Variants in MYCL observed in about 807,000 individuals in gnomAD.
MYCL encodes the protein protein L-Myc.
Under a neutral mutation model 31.0 loss-of-function variants are expected in MYCL, and 11 were observed. The observed-to-expected ratio is 0.35, with a 90% confidence interval of 0.22 to 0.59. The LOEUF is 0.59. Among genes scored for constraint, MYCL ranks in the 20% least tolerant of loss-of-function variants. The probability of loss-of-function intolerance (pLI) is 0.79; values close to 1 mark genes in which losing one functional copy is unlikely to be tolerated. For synonymous variants in MYCL, 208 were observed against 202.4 expected (o/e 1.03, Z -0.23); for missense variants, 427 against 486.1 (o/e 0.88, Z 1.14).
rs1288998347 is a variant in MYCL at position 39,901,627 on chromosome 1, A to G, written c.-193T>C. The G allele has an allele frequency of 3.6e-6, 5 of 1,388,330 alleles. No homozygotes were observed. Among genetic ancestry groups the G allele is most frequent in the Non-Finnish European group, 4.6e-6 (5 of 1,079,222 alleles). The allele number at this position is 1,388,330 out of a possible 1,614,324, so 86.0% of individuals were successfully genotyped here. ...CGGGTCAGAGTGGTAGGGGAAGCCA[A>G]TCGCAGCGCGCGGACCCGACTGTGG... On this transcript the variant is annotated 5_prime_UTR_variant, in exon 1 of 2. Coordinates refer to ENST00000372816, the MANE Select transcript of MYCL (RefSeq NM_001033081.3). The surrounding 1 kb of genome is among the most constrained non-coding windows in gnomAD (Gnocchi z 6.9).
In MYCL at chr1:39,901,367, G is replaced by T; in HGVS notation, c.68C>A (p.Thr23Lys). ...CTTCCAGATGTCCTCGCTGGGCGCC[G>T]TGGAGCGGTAGAAATCCTCCCCGCA... ...YDCGEDFYRS[T>K]APSEDIWKKF... Residue 23 changes from threonine (T) to lysine (K), a missense_variant, in exon 1 of 2, where the codon ACG (threonine) becomes AAG (lysine). Physicochemically the swap from Thr to Lys is moderately conservative, Grantham distance 78. Transcript: ENST00000372816. This position sits in a 1 kb window ranked among gnomAD's most constrained non-coding sequence, Gnocchi z 6.9. The T allele has an allele frequency of 2.5e-6, 4 of 1,612,000 alleles. No homozygotes were observed. The highest frequency in any genetic ancestry group is 3.4e-6 in the Non-Finnish European group (4 of 1,179,396).
chr1:39,900,779 C>T, intron 1 of MYCL, 160 bp downstream of exon 1: 1 of 1,433,616 alleles, frequency 7.0e-7, no homozygotes, highest in Admixed American at 3.0e-5. Flanking sequence ...CACCCACGTG[C>T]CAGACAGACA....
At chr1:39,900,532 C>T in intron 1 of MYCL, 1 of 1,134,554 alleles carries the variant, frequency 8.8e-7, no homozygotes, top group Non-Finnish European at 1.1e-6. Flanking sequence ...GCACAAAAGG[C>T]TCTCGGCTTC....
Position 39,897,619 on chromosome 1 carries a change from C to G in MYCL, c.848G>C (p.Arg283Thr). 6.2e-7 allele frequency: 1 copy of G among 1,614,204 alleles called. No individual in the cohort carries two copies. Residue 283 changes from arginine (R) to threonine (T), a missense_variant, in exon 2 of 2, where the codon AGG becomes ACG. Arg to Thr is a moderately conservative substitution (Grantham distance 71, BLOSUM62 -1). Coordinates refer to ENST00000372816, the MANE Select transcript of MYCL (RefSeq NM_001033081.3). This position sits in a 1 kb window ranked among gnomAD's most constrained non-coding sequence, Gnocchi z 4.3. ...VSSDTEDVTKRKNHNFLERKR... is the reference protein window; with the variant it reads ...VSSDTEDVTKTKNHNFLERKR... Reference sequence around the variant, plus strand: ...GCGCTCCAGGAAGTTGTGATTCTTCCTCTTGGTCACATCCTCAGTATCAGA... The same window carrying G: ...GCGCTCCAGGAAGTTGTGATTCTTCGTCTTGGTCACATCCTCAGTATCAGA...
At position 39,899,927 on chromosome 1, in the gene MYCL, T is replaced by C. The variant is rs544903526; in HGVS notation, c.496+1012A>G. 2.6e-5 allele frequency: 26 copies of C among 985,460 alleles called. No individual in the cohort carries two copies. In the South Asian group the frequency reaches 1.2e-3, roughly 45 times the overall value. 61.0% of individuals were successfully genotyped at this position (985,460 alleles called of 1,614,324 possible). A position where few individuals can be genotyped will look rare whatever the true frequency, so the allele number is the denominator to read the frequency against. On this transcript the variant is annotated intron_variant, in intron 1 of 1. Transcript: ENST00000372816. ...CTCTACAAAAATACCCTCTCCAGGA[T>C]TTCTCACGGGTGTGGAGGTCTAAGA...
intron 1 of MYCL, chr1:39,898,793 A>G: frequency 2.0e-6 from 2 of 985,490 alleles, no homozygotes; most frequent in South Asian, 4.7e-5. Flanking sequence ...TATGGGGCTC[A>G]TAACACCAGA....
intron 1 of MYCL, 164 bp downstream of exon 1, chr1:39,900,775 C>A (rs564781851): frequency 3.5e-6 from 5 of 1,430,436 alleles, no homozygotes; most frequent in African/African-American, 1.5e-5. Flanking sequence ...AACACACCCA[C>A]GTGCCAGACA....
In MYCL at chr1:39,897,793, T is replaced by G; in HGVS notation, c.674A>C (p.Gln225Pro). The G allele has an allele frequency of 6.2e-7, 1 of 1,614,164 alleles. No individual in the cohort carries two copies. The highest frequency in any genetic ancestry group is 2.2e-5 in the East Asian group (1 of 44,884). The change falls in exon 2 of 2, where the codon CAA (glutamine) becomes CCA (proline). Residue 225 changes from glutamine (Q) to proline (P), a missense_variant. Gln to Pro is a moderately conservative substitution (Grantham distance 76). Transcript: ENST00000372816. The surrounding 1 kb of genome is among the most constrained non-coding windows in gnomAD (Gnocchi z 4.3). The part of the protein sequence containing the change: ...AARFPPESCS[Q>P]EEASERGPQE... ...GGGACCCCTCTCTGAAGCCTCTTCT[T>G]GGGAGCAGCTTTCTGGAGGAAAACG... is the stretch of plus-strand genomic sequence containing the variant.
chr1:39,901,829 C>T lies in MYCL; in HGVS notation c.-395G>A, dbSNP rs577970565. 1.1e-4 allele frequency: 141 copies of T among 1,273,396 alleles called. No individual in the cohort carries two copies. The highest frequency in any genetic ancestry group is 5.4e-4 in the African/African-American group (34 of 63,380). 78.9% of individuals were successfully genotyped at this position (1,273,396 alleles called of 1,614,324 possible). A position where few individuals can be genotyped will look rare whatever the true frequency, so the allele number is the denominator to read the frequency against. ...TCACCTCGCTCCAGCCGCCCGCCACCTGGAGCGGACCGGCTCCCCGCCGGC... is the reference window on the plus strand; with the variant it reads ...TCACCTCGCTCCAGCCGCCCGCCACTTGGAGCGGACCGGCTCCCCGCCGGC... On this transcript the variant is annotated 5_prime_UTR_variant, in exon 1 of 2. Transcript: ENST00000372816. This position sits in a 1 kb window ranked among gnomAD's most constrained non-coding sequence, Gnocchi z 6.9.
Position 39,901,044 on chromosome 1 carries a change from A to T in MYCL, c.391T>A (p.Cys131Ser), listed in dbSNP as rs2124719815. ...NPPKASAAPD[C>S]TPSLEAGNPA... ...TTGCCGGCTTCGAGGCTGGGAGTGC[A>T]GTCCGGGGCGGCGGACGCCTTGGGC... The change falls in exon 1 of 2, where the codon TGC (cysteine) becomes AGC (serine). Residue 131 changes from cysteine (C) to serine (S), a missense_variant. Physicochemically the swap from Cys to Ser is moderately radical, Grantham distance 112. Coordinates refer to ENST00000372816, the MANE Select transcript of MYCL (RefSeq NM_001033081.3). The surrounding 1 kb of genome is among the most constrained non-coding windows in gnomAD (Gnocchi z 6.9). 1 of 1,535,174 alleles carries T rather than the reference A, an allele frequency of 6.5e-7. No homozygotes were observed. The highest frequency in any genetic ancestry group is 8.8e-7 in the Non-Finnish European group (1 of 1,140,994).
chr1:39,899,104 T>C, intron 1 of MYCL: 1 of 984,312 alleles, frequency 1.0e-6, no homozygotes, highest in African/African-American at 1.7e-5. Context: ...CCAAAGCCCA[T>C]GATTGGCTGA....
At position 39,901,810 on chromosome 1, in the gene MYCL, C is replaced by A; in HGVS notation, c.-376G>T. On this transcript the variant is annotated 5_prime_UTR_variant, in exon 1 of 2. The change creates a premature stop within an existing upstream ORF in the 5' untranslated region. Transcript: ENST00000372816. This position sits in a 1 kb window ranked among gnomAD's most constrained non-coding sequence, Gnocchi z 6.9. ...GCCCTGGCCACCCGCAGCCTCACCTCGCTCCAGCCGCCCGCCACCTGGAGC... is the reference window on the plus strand; with the variant it reads ...GCCCTGGCCACCCGCAGCCTCACCTAGCTCCAGCCGCCCGCCACCTGGAGC... 2.4e-6 allele frequency: 3 copies of A among 1,275,834 alleles called. No homozygotes were observed. Among genetic ancestry groups the A allele is most frequent in the Non-Finnish European group, 3.0e-6 (3 of 999,944 alleles). 79.0% of individuals were successfully genotyped at this position (1,275,834 alleles called of 1,614,324 possible). A position where few individuals can be genotyped will look rare whatever the true frequency, so the allele number is the denominator to read the frequency against.
rs752938301 is a variant in MYCL, at chr1:39,901,272, C to A, written c.163G>T (p.Ala55Ser). The change falls in exon 1 of 2, where the codon GCC becomes TCC. Residue 55 changes from alanine to serine, a missense_variant. By Grantham distance (99) the Ala-to-Ser change is moderately conservative. Transcript: ENST00000372816. This position sits in a 1 kb window ranked among gnomAD's most constrained non-coding sequence, Gnocchi z 6.9. ...GGCTCCGGGGGACCAATCCCGGGGG[C>A]CGGGTCCCCTGCGCCGGGACCCAAG... ...WGLGPGAGDP[A>S]PGIGPPEPWP... 1.4e-5 allele frequency: 22 copies of A among 1,600,948 alleles called. No homozygotes were observed. The East Asian group carries it at 4.7e-4, about 34-fold the overall frequency.
intron 1 of MYCL, among the ~76,000 whole-genome samples, chr1:39,899,434 T>C (rs570979033): frequency 1.8e-4 from 27 of 152,294 alleles, no homozygotes; most frequent in Non-Finnish European, 3.2e-4. Flanking sequence ...TCTTACTCTA[T>C]CCAGACAAGG....
At chr1:39,899,934 C>T (rs1214342559) in intron 1 of MYCL, 4 of 985,322 alleles carry the variant, frequency 4.1e-6, no homozygotes, top group African/African-American at 1.7e-5. Context: ...GGATTTCTCA[C>T]GGGTGTGGAG....
rs1282473852 is a variant in MYCL at position 39,901,693 on chromosome 1, C to T, written c.-259G>A. 8 of 1,256,748 alleles carry T rather than the reference C, an allele frequency of 6.4e-6. No homozygotes were observed. The East Asian group carries it at 2.4e-4, about 38-fold the overall frequency. 77.8% of individuals were successfully genotyped at this position (1,256,748 alleles called of 1,614,324 possible). ...CAAACTTTGCCAGCGCCGCCCGGAG[C>T]GCAGCTCCCAGGGCCCGGCGGGGCC... On this transcript the variant is annotated 5_prime_UTR_variant, in exon 1 of 2. Transcript: ENST00000372816. This position sits in a 1 kb window ranked among gnomAD's most constrained non-coding sequence, Gnocchi z 6.9.
In MYCL at chr1:39,901,057, G is replaced by A. The variant is rs1264787114; in HGVS notation, c.378C>T (p.Ser126=). ...GAPRGNPPKA[S]AAPDCTPSLE... ...GGCTGGGAGTGCAGTCCGGGGCGGC[G>A]GACGCCTTGGGCGGGTTCCCCCGGG... is the stretch of plus-strand genomic sequence containing the variant. The change falls in exon 1 of 2, where the codon TCC becomes TCT. Residue 126 remains serine (S), a synonymous_variant. Coordinates refer to ENST00000372816, the MANE Select transcript of MYCL (RefSeq NM_001033081.3). This position sits in a 1 kb window ranked among gnomAD's most constrained non-coding sequence, Gnocchi z 6.9. The A allele has an allele frequency of 1.3e-6, 2 of 1,550,416 alleles. No homozygotes were observed. Among genetic ancestry groups the A allele is most frequent in the African/African-American group, 1.4e-5 (1 of 73,338 alleles).
chr1:39,899,235 GCCATGTGGCCT>G (rs1644511761), intron 1 of MYCL: 1 of 305,712 alleles, frequency 3.3e-6, no homozygotes, highest in Non-Finnish European at 4.8e-6. Flanking sequence ...TTTGTTCCAG[GCCATGTGGCCT>G]GTGAGTGAAC....
In MYCL at chr1:39,897,714, ATCC is replaced by A. The variant is rs754755256; in HGVS notation, c.750_752del (p.Glu250del). ...CAGGTGGGGGACTCACAATCTCTTC[ATCC>A]TCCTCATCTTCCTTTTCCCCTGCAG... is the stretch of plus-strand genomic sequence containing the variant. On this transcript the variant is annotated inframe_deletion, in exon 2 of 2. Transcript: ENST00000372816. The surrounding 1 kb of genome is among the most constrained non-coding windows in gnomAD (Gnocchi z 4.3). The A allele has an allele frequency of 1.9e-5, 30 of 1,614,066 alleles. No individual in the cohort carries two copies. In the South Asian group the frequency reaches 3.0e-4, roughly 16 times the overall value.
Sources: gnomAD v4.1 joint callset for allele counts (sites outside exome capture counted in the v4.1 genomes callset) on GRCh38, gnomAD v4.1.1 for gene constraint, Gnocchi (gnomAD v3.1) non-coding constraint, MANE v1.5 for transcripts, NCBI Gene and HGNC (gene_info 2026-07-23, HGNC 2026-07-21) for gene names.